The following ROCK2 variants were observed in gnomAD, a reference collection of about 807,000 sequenced individuals.
ROCK2 encodes the protein rho-associated protein kinase 2.
Under a neutral mutation model 195.1 loss-of-function variants are expected in ROCK2, and 61 were observed. That is an observed-to-expected ratio of 0.31 (90% CI 0.25 to 0.39). The LOEUF (loss-of-function observed/expected upper bound fraction) is 0.39, where lower values mean the gene tolerates loss of function less well. ROCK2 is among the 10% of genes least tolerant of loss of function. ROCK2 has a pLI of 1.00. For missense variants in ROCK2, 1,109 were observed against 1,637.4 expected, an observed-to-expected ratio of 0.68 and a Z score of 5.57; for synonymous variants, 504 against 545.5, an observed-to-expected ratio of 0.92 and a Z score of 1.06.
chr2:11,296,008 GAGAGAGAGA>G (rs1558369907), intron 1 of ROCK2, among the ~76,000 whole-genome samples: 3 of 95,658 alleles, frequency 3.1e-5, no homozygotes, highest in African/African-American at 8.5e-5. Context: ...AGAGAGAGGA[GAGAGAGAGA>G]GAGAGAGAGA....
At chr2:11,198,876 T>G in intron 23 of ROCK2, 102 bp from the exon 24 acceptor site, 1 of 696,244 alleles carries the variant, frequency 1.4e-6, no homozygotes, top group Non-Finnish European at 2.3e-6. Flanking sequence ...TTAAACCTCT[T>G]ATTTTTCTTT....
chr2:11,228,110 T>C (rs1664877149), intron 5 of ROCK2, among the ~76,000 whole-genome samples: 1 of 152,210 alleles, frequency 6.6e-6, no homozygotes, highest in Non-Finnish European at 1.5e-5. Context: ...TGTGTCTGCA[T>C]GCTGCAAAAT....
intron 3 of ROCK2, among the ~76,000 whole-genome samples, chr2:11,279,361 A>G (rs1666926675): frequency 6.6e-6 from 1 of 152,230 alleles, no homozygotes; most frequent in South Asian, 2.1e-4. Flanking sequence ...CAATAATCAA[A>G]AGAAAGCAGA....
intron 11 of ROCK2, chr2:11,217,648 T>G (rs1664479381): frequency 5.3e-6 from 1 of 188,026 alleles, no homozygotes; most frequent in Non-Finnish European, 1.1e-5. Flanking sequence ...GTAGTGCTGG[T>G]CATATTACCG....
At chr2:11,339,542 CAA>C (rs11309296) in intron 1 of ROCK2, among the ~76,000 whole-genome samples, 15 of 145,026 alleles carry the variant, frequency 1.0e-4, no homozygotes, top group Admixed American at 6.8e-5. Flanking sequence ...AAAAAAAAAA[CAA>C]AAAAAAAAGA....
chr2:11,340,854 C>T (rs1268159406), intron 1 of ROCK2, among the ~76,000 whole-genome samples: 1 of 152,124 alleles, frequency 6.6e-6, no homozygotes, highest in African/African-American at 2.4e-5. Flanking sequence ...TTTACCCAAG[C>T]GTGAGTCCTA....
At chr2:11,214,206 A>C in intron 17 of ROCK2, 151 bp downstream of exon 17, 3 of 574,866 alleles carry the variant, frequency 5.2e-6, no homozygotes, top group Non-Finnish European at 9.2e-6. Flanking sequence ...CTGCAGATAC[A>C]TCTCTTATCT....
chr2:11,217,463 A>AGGG (rs1664473431), intron 11 of ROCK2: 1 of 425,000 alleles, frequency 2.4e-6, no homozygotes, highest in Non-Finnish European at 4.4e-6. Flanking sequence ...AATTCATTAT[A>AGGG]AAGAATACCA....
intron 3 of ROCK2, among the ~76,000 whole-genome samples, chr2:11,275,923 T>TCCTGACCTCAGGCTGGTCACAAAC (rs1666811083): frequency 6.6e-6 from 1 of 152,078 alleles, no homozygotes; most frequent in Admixed American, 6.5e-5. Context: ...TGGTCACAAA[T>TCCTGACCTCAGGCTGGTCACAAAC]TCCTGACCTC....
At chr2:11,324,096 A>G (rs1183487508) in intron 1 of ROCK2, among the ~76,000 whole-genome samples, 1 of 152,152 alleles carries the variant, frequency 6.6e-6, no homozygotes, top group Non-Finnish European at 1.5e-5. Context: ...CACTCTTACC[A>G]TACAGTCCAG....
chr2:11,212,317 A>G (rs114974671), intron 17 of ROCK2, among the ~76,000 whole-genome samples: 146 of 152,156 alleles, frequency 9.6e-4, no homozygotes, highest in African/African-American at 3.4e-3. Flanking sequence ...CTACTTCTCT[A>G]CTTCCCACTG....
intron 6 of ROCK2, among the ~76,000 whole-genome samples, chr2:11,226,965 A>C (rs1664834549): frequency 6.6e-6 from 1 of 151,496 alleles, no homozygotes; most frequent in Non-Finnish European, 1.5e-5. Context: ...AGGCCCACTG[A>C]AGCTGTAAAC....
rs777176774 is a variant in ROCK2, at chr2:11,277,122, C to A, written c.324+9417G>T. 4.3e-4 allele frequency among the ~76,000 whole-genome samples: 66 copies of A among 152,132 alleles called. 1 individual carries two copies. The highest frequency in any genetic ancestry group is 4.4e-4 in the Non-Finnish European group (30 of 68,024). On this transcript the variant is annotated intron_variant, in intron 3 of 32. Transcript: ENST00000315872. The stretch of plus-strand genomic sequence containing the variant: ...CATTAGTGTGGTACATTTGTTACAA[C>A]TGATAAAGCAATATTCATACATTAC...
chr2:11,184,736 C>G, intron 32 of ROCK2: 1 of 984,474 alleles, frequency 1.0e-6, no homozygotes, highest in Non-Finnish European at 1.2e-6. Flanking sequence ...CATCAAATGA[C>G]CAATCCCAGT....
In ROCK2 at chr2:11,215,431, C is replaced by A; in HGVS notation, c.1598-19G>T. ...CTGTTAACTATGATAAAAAGCATTT[C>A]AGTGGCAAGCTTAGCATAACACACA... On this transcript the variant is annotated intron_variant, in intron 14 of 32. Coordinates refer to ENST00000315872, the MANE Select transcript of ROCK2 (RefSeq NM_004850.5). The A allele has an allele frequency of 6.2e-7, 1 of 1,602,072 alleles. No homozygotes were observed. Among genetic ancestry groups the A allele is most frequent in the South Asian group, 1.1e-5 (1 of 89,048 alleles).
intron 1 of ROCK2, among the ~76,000 whole-genome samples, chr2:11,297,043 T>C (rs1667556858): frequency 6.6e-6 from 1 of 152,090 alleles, no homozygotes; most frequent in Admixed American, 6.5e-5. Context: ...GCAACATTAT[T>C]TATAATAGCA....
intron 11 of ROCK2, 107 bp downstream of exon 11, chr2:11,218,348 G>A: frequency 1.4e-6 from 1 of 690,972 alleles, no homozygotes; most frequent in Non-Finnish European, 2.3e-6. Flanking sequence ...TTCTCTCTTG[G>A]GTAGATGTAG....
intron 4 of ROCK2, among the ~76,000 whole-genome samples, chr2:11,240,759 C>T (rs895383842): frequency 6.6e-6 from 1 of 152,218 alleles, no homozygotes; most frequent in Admixed American, 6.5e-5. Flanking sequence ...GAATTTTATG[C>T]TATGCAAATT....
chr2:11,313,756 T>C (rs1374582468), intron 1 of ROCK2, among the ~76,000 whole-genome samples: 5 of 151,976 alleles, frequency 3.3e-5, no homozygotes, highest in Non-Finnish European at 7.4e-5. Flanking sequence ...ATTTTGTTTA[T>C]GGTTTCTCAC....
Sources: allele counts gnomAD v4.1 joint callset (sites outside exome capture counted in the v4.1 genomes callset), GRCh38; gene constraint gnomAD v4.1.1; transcripts MANE v1.5; gene names NCBI Gene and HGNC (gene_info 2026-07-23, HGNC 2026-07-21).